The following LRRC28 variants were observed in gnomAD, a reference collection of about 807,000 sequenced individuals.
The protein encoded by LRRC28 is leucine rich repeat containing 28, also known as leucine-rich repeat-containing protein 28.
In LRRC28, 39 loss-of-function variants were observed where a neutral mutation model predicts 45.7. The observed-to-expected ratio is 0.85, with a 90% CI of 0.66 to 1.12. The LOEUF is 1.12. Ranked by LOEUF, LRRC28 falls within the 50% of genes most tolerant of loss-of-function variation. The pLI, the probability that LRRC28 is intolerant of heterozygous loss-of-function variation, is 0.00. For missense variants in LRRC28, 435 were observed against 438.5 expected, an observed-to-expected ratio of 0.99 and a Z score of 0.07; for synonymous variants, 206 against 178.8, an observed-to-expected ratio of 1.15 and a Z score of -1.22.
chr15:99,355,167 T>C (rs1201392646), intron 7 of LRRC28, among the ~76,000 whole-genome samples: 1 of 152,270 alleles, frequency 6.6e-6, no homozygotes, highest in Non-Finnish European at 1.5e-5. Context: ...CTTCTTCTTA[T>C]TCTATGTTTA....
intron 1 of LRRC28, among the ~76,000 whole-genome samples, chr15:99,254,564 T>G (rs917674622): frequency 2.0e-5 from 3 of 152,220 alleles, no homozygotes; most frequent in Non-Finnish European, 4.4e-5. Flanking sequence ...CTCAACTTCT[T>G]TGTAGTTGTT....
intron 6 of LRRC28, among the ~76,000 whole-genome samples, chr15:99,338,987 C>T (rs540584814): frequency 6.6e-6 from 1 of 152,268 alleles, no homozygotes; most frequent in African/African-American, 2.4e-5. Context: ...TGGTGACTAT[C>T]AGCAAGGAGG....
intron 3 of LRRC28, among the ~76,000 whole-genome samples, chr15:99,278,797 T>C (rs1188530010): frequency 6.6e-6 from 1 of 152,226 alleles, no homozygotes; most frequent in Non-Finnish European, 1.5e-5. Flanking sequence ...CCAGGTCTCT[T>C]ACGAAGCTGC....
intron 5 of LRRC28, among the ~76,000 whole-genome samples, chr15:99,311,940 A>G (rs1015024346): frequency 4.6e-5 from 7 of 152,328 alleles, no homozygotes; most frequent in African/African-American, 1.7e-4. Flanking sequence ...ACTGGAGCAA[A>G]GTTACTGTGT....
chr15:99,336,007 T>G (rs1275483505), intron 6 of LRRC28, among the ~76,000 whole-genome samples: 1 of 152,164 alleles, frequency 6.6e-6, no homozygotes, highest in Non-Finnish European at 1.5e-5. Context: ...AGAAACAGAT[T>G]AGGTTGTTAA....
intron 9 of LRRC28, among the ~76,000 whole-genome samples, chr15:99,383,054 C>T (rs1957876908): frequency 6.6e-6 from 1 of 152,122 alleles, no homozygotes; most frequent in South Asian, 2.1e-4. Flanking sequence ...CAACCCTCAC[C>T]CTAATCCATT....
At chr15:99,369,468 T>C (rs1401172745) in intron 9 of LRRC28, among the ~76,000 whole-genome samples, 1 of 152,090 alleles carries the variant, frequency 6.6e-6, no homozygotes, top group East Asian at 1.9e-4. Flanking sequence ...GGCCTGGACG[T>C]TGAGGTTAGA....
In LRRC28 at chr15:99,326,920, C is replaced by T. The variant is rs562839652; in HGVS notation, c.386-7003C>T. Among the ~76,000 whole-genome samples the T allele has an allele frequency of 1.1e-4, 16 of 152,150 alleles. No homozygotes were observed. In the South Asian group the frequency reaches 2.5e-3, roughly 24 times the overall value. Reference sequence around the variant, plus strand: ...CATAGAATGAGTTGGAAAGTTTTTCCTCCTGTTTTCTGAGACAGTTTGTGA... The same window carrying T: ...CATAGAATGAGTTGGAAAGTTTTTCTTCCTGTTTTCTGAGACAGTTTGTGA... On this transcript the variant is annotated intron_variant, in intron 5 of 9. Transcript: ENST00000301981.
At chr15:99,287,052 A>G (rs1300957686) in intron 3 of LRRC28, 2 of 435,452 alleles carry the variant, frequency 4.6e-6, no homozygotes, top group Non-Finnish European at 8.2e-6. Context: ...TAGATTTAAT[A>G]TTTGCAATTC....
intron 8 of LRRC28, among the ~76,000 whole-genome samples, chr15:99,362,565 T>TTAA (rs1366595184): frequency 6.6e-6 from 1 of 152,240 alleles, no homozygotes; most frequent in Non-Finnish European, 1.5e-5. Flanking sequence ...AGCTCCCTGC[T>TTAA]TTTATTAATG....
At chr15:99,281,875 G>A (rs1000459578) in intron 3 of LRRC28, among the ~76,000 whole-genome samples, 1 of 150,402 alleles carries the variant, frequency 6.6e-6, no homozygotes, top group Non-Finnish European at 1.5e-5. Flanking sequence ...CTCAGAACTT[G>A]AATGTCTCTC....
chr15:99,256,766 G>A (rs2081034120), intron 2 of LRRC28, among the ~76,000 whole-genome samples: 1 of 152,158 alleles, frequency 6.6e-6, no homozygotes, highest in Non-Finnish European at 1.5e-5. Flanking sequence ...ATTATAATCT[G>A]AATTGTATTA....
intron 7 of LRRC28, among the ~76,000 whole-genome samples, chr15:99,360,113 C>T (rs1386144582): frequency 6.6e-6 from 1 of 152,130 alleles, no homozygotes; most frequent in Non-Finnish European, 1.5e-5. Flanking sequence ...GAATTAAAAC[C>T]ATCTAACTTC....
At chr15:99,315,419 G>T (rs1316938048) in intron 5 of LRRC28, among the ~76,000 whole-genome samples, 1 of 152,100 alleles carries the variant, frequency 6.6e-6, no homozygotes, top group African/African-American at 2.4e-5. Context: ...GGCTTAAAAT[G>T]AACTTCCAGT....
chr15:99,259,055 AATG>A, intron 2 of LRRC28: 1 of 915,350 alleles, frequency 1.1e-6, no homozygotes, highest in East Asian at 2.4e-5. Flanking sequence ...TGAGAAATAC[AATG>A]ATACTTTTTG....
chr15:99,304,079 G>A (rs1162793667), intron 5 of LRRC28, among the ~76,000 whole-genome samples: 2 of 152,206 alleles, frequency 1.3e-5, no homozygotes, highest in Admixed American at 6.5e-5. Context: ...TGTGGGCCAA[G>A]TCTAGCACTT....
intron 1 of LRRC28, among the ~76,000 whole-genome samples, chr15:99,252,475 T>C (rs536735986): frequency 2.6e-5 from 4 of 152,324 alleles, no homozygotes; most frequent in African/African-American, 9.6e-5. Context: ...GACTGTCTTA[T>C]TGAATCTTCC....
intron 9 of LRRC28, among the ~76,000 whole-genome samples, chr15:99,373,996 A>T (rs1957555163): frequency 6.6e-6 from 1 of 152,200 alleles, no homozygotes; most frequent in South Asian, 2.1e-4. Context: ...TAATTACTAT[A>T]GTTTAGATTA....
At chr15:99,343,186 T>G (rs1567679934) in intron 6 of LRRC28, among the ~76,000 whole-genome samples, 1 of 152,358 alleles carries the variant, frequency 6.6e-6, no homozygotes, top group South Asian at 2.1e-4. Flanking sequence ...TTATTTTGAT[T>G]GATTGCTTTG....
Sources: allele counts gnomAD v4.1 joint callset (sites outside exome capture counted in the v4.1 genomes callset), GRCh38; gene constraint gnomAD v4.1.1; transcripts MANE v1.5; gene names NCBI Gene and HGNC (gene_info 2026-07-23, HGNC 2026-07-21).